MOB3B: variants seen among roughly 807,000 people sequenced by gnomAD.
MOB3B encodes the protein MOB kinase activator 3B.
MOB3B carries 7 observed loss-of-function variants against 18.7 expected under a neutral mutation model. The ratio of observed to expected loss-of-function variants is 0.37; its 90% CI spans 0.21 to 0.70. MOB3B has a LOEUF of 0.70. MOB3B is among the 30% of genes least tolerant of loss of function. The probability of loss-of-function intolerance (pLI) is 0.52; values close to 1 mark genes in which losing one functional copy is unlikely to be tolerated. For synonymous variants in MOB3B, 111 were observed against 99.9 expected (o/e 1.11, Z -0.66); for missense variants, 253 against 281.3 (o/e 0.90, Z 0.72).
intron 3 of MOB3B, among the ~76,000 whole-genome samples, chr9:27,356,127 T>C (rs1237774005): frequency 1.3e-5 from 2 of 152,222 alleles, no homozygotes; most frequent in African/African-American, 4.8e-5. Context: ...TGTTCCTTTA[T>C]AGGGTTTGGT....
At chr9:27,412,531 G>A (rs895713615) in intron 2 of MOB3B, among the ~76,000 whole-genome samples, 7 of 152,124 alleles carry the variant, frequency 4.6e-5, no homozygotes, top group Admixed American at 4.6e-4. Context: ...TTAGTCTCTT[G>A]TTTGGTTTTC....
chr9:27,404,336 CTTCT>C (rs1563860270), intron 2 of MOB3B, among the ~76,000 whole-genome samples: 7 of 134,254 alleles, frequency 5.2e-5, no homozygotes, highest in South Asian at 2.4e-4. Flanking sequence ...TCTTTCTTTC[CTTCT>C]TTCTTTCTTT....
chr9:27,404,859 A>T (rs1386771641), intron 2 of MOB3B, among the ~76,000 whole-genome samples: 4 of 152,086 alleles, frequency 2.6e-5, no homozygotes, highest in African/African-American at 9.7e-5. Context: ...CATAGTGGCT[A>T]TATTAATTTA....
At chr9:27,524,933 A>G in intron 1 of MOB3B, 1 of 1,605,344 alleles carries the variant, frequency 6.2e-7, no homozygotes, top group Non-Finnish European at 8.5e-7. Context: ...ACTTTTACAA[A>G]TTTACAGCTC....
chr9:27,364,342 C>T (rs562119225), intron 2 of MOB3B, among the ~76,000 whole-genome samples: 4 of 151,390 alleles, frequency 2.6e-5, no homozygotes, highest in African/African-American at 2.4e-5. Context: ...TTCAGTATTC[C>T]CCATTATGTG....
chr9:27,517,063 C>G (rs924275221), intron 1 of MOB3B, among the ~76,000 whole-genome samples: 1 of 152,130 alleles, frequency 6.6e-6, no homozygotes, highest in African/African-American at 2.4e-5. Flanking sequence ...TTCTCACCCC[C>G]GCCTCCCATT....
chr9:27,524,403 G>C (rs1820395206), intron 1 of MOB3B: 1 of 1,613,924 alleles, frequency 6.2e-7, no homozygotes, highest in Non-Finnish European at 8.5e-7. Flanking sequence ...TATATTCATT[G>C]CTGGCACCCT....
At chr9:27,372,028 A>T (rs1177685042) in intron 2 of MOB3B, among the ~76,000 whole-genome samples, 1 of 152,224 alleles carries the variant, frequency 6.6e-6, no homozygotes, top group Non-Finnish European at 1.5e-5. Flanking sequence ...AAGGAAAGAA[A>T]AACACTCTCG....
At chr9:27,513,801 C>T (rs1423269361) in intron 1 of MOB3B, among the ~76,000 whole-genome samples, 2 of 152,176 alleles carry the variant, frequency 1.3e-5, no homozygotes, top group African/African-American at 4.8e-5. Context: ...CTGGGACACA[C>T]TATGAGGACA....
At chr9:27,395,842 T>C (rs375678938) in intron 2 of MOB3B, among the ~76,000 whole-genome samples, 100 of 152,346 alleles carry the variant, frequency 6.6e-4, no homozygotes, top group African/African-American at 2.2e-3. Context: ...CAGTGGCATC[T>C]ACACAATGGA....
chr9:27,384,053 G>C (rs1468761057), intron 2 of MOB3B, among the ~76,000 whole-genome samples: 2 of 152,158 alleles, frequency 1.3e-5, no homozygotes, highest in Non-Finnish European at 2.9e-5. Context: ...TCAATGTGGT[G>C]TTTCCCAAAC....
At chr9:27,348,140 C>T (rs1821055571) in intron 3 of MOB3B, among the ~76,000 whole-genome samples, 1 of 152,112 alleles carries the variant, frequency 6.6e-6, no homozygotes. Flanking sequence ...GAAGAAACCA[C>T]ACTGAGGTAA....
intron 1 of MOB3B, among the ~76,000 whole-genome samples, chr9:27,467,685 A>C (rs1055108482): frequency 6.6e-6 from 1 of 152,246 alleles, no homozygotes; most frequent in Non-Finnish European, 1.5e-5. Context: ...GGCAAACCGC[A>C]CATGCTCAGC....
At chr9:27,524,972 G>C in intron 1 of MOB3B, 2 of 1,549,780 alleles carry the variant, frequency 1.3e-6, no homozygotes, top group Non-Finnish European at 1.7e-6. Context: ...GTATATTTTT[G>C]GAATTAAAAT....
chr9:27,421,074 G>A (rs1168487155), intron 2 of MOB3B: 1 of 152,980 alleles, frequency 6.5e-6, no homozygotes, highest in South Asian at 2.1e-4. Context: ...TCCCTACATG[G>A]AAGAGCGGTA....
chr9:27,385,022 G>A (rs1358890321), intron 2 of MOB3B, among the ~76,000 whole-genome samples: 1 of 152,214 alleles, frequency 6.6e-6, no homozygotes, highest in African/African-American at 2.4e-5. Context: ...CTAAGGGATG[G>A]AGATAGGCAC....
At chr9:27,339,085 T>C (rs1820904373) in intron 3 of MOB3B, among the ~76,000 whole-genome samples, 2 of 152,172 alleles carry the variant, frequency 1.3e-5, no homozygotes. Context: ...AGAGTCTCCC[T>C]GCCATGCACT....
At chr9:27,416,716 T>TTG (rs1822155515) in intron 2 of MOB3B, among the ~76,000 whole-genome samples, 2 of 151,588 alleles carry the variant, frequency 1.3e-5, no homozygotes, top group African/African-American at 2.4e-5. Flanking sequence ...AAGTTTTTTT[T>TTG]GTAGAGGCAG....
chr9:27,336,242 G>A (rs1820861412), intron 3 of MOB3B, among the ~76,000 whole-genome samples: 1 of 152,102 alleles, frequency 6.6e-6, no homozygotes, highest in Non-Finnish European at 1.5e-5. Flanking sequence ...ACAAAAACAA[G>A]CAAACAACAT....
Sources: gnomAD v4.1 joint callset for allele counts (sites outside exome capture counted in the v4.1 genomes callset) on GRCh38, gnomAD v4.1.1 for gene constraint, MANE v1.5 for transcripts, NCBI Gene and HGNC (gene_info 2026-07-23, HGNC 2026-07-21) for gene names.